MAX: variants seen among roughly 807,000 people sequenced by gnomAD.
MAX encodes the protein MYC associated transcriptional regulator X, also known as protein max.
A neutral mutation model predicts 22.3 loss-of-function variants in MAX; 3 were observed. That is an observed-to-expected ratio of 0.13 (90% CI 0.06 to 0.35). The LOEUF is 0.35. Among genes scored for constraint, MAX ranks in the 10% least tolerant of loss-of-function variants. MAX has a pLI of 1.00. For missense variants in MAX, 119 were observed against 209.4 expected, an observed-to-expected ratio of 0.57 and a Z score of 2.66; for synonymous variants, 72 against 77.7, an observed-to-expected ratio of 0.93 and a Z score of 0.39.
chr14:65,029,692 C>T lies in MAX; in HGVS notation c.172-23408G>A, dbSNP rs547361981. The stretch of plus-strand genomic sequence containing the variant: ...TGTGTTGCTCAAGAAAGGACAAGTT[C>T]AGTGTTGAAGTGTAGATGGCCTGGT... On this transcript the variant is annotated intron_variant, in intron 3 of 3. Coordinates refer to the MAX transcript ENST00000341653. This position sits in a 1 kb window ranked among gnomAD's most constrained non-coding sequence, Gnocchi z 4.7. 3.9e-5 allele frequency among the ~76,000 whole-genome samples: 6 copies of T among 152,234 alleles called. No homozygotes were observed. The highest frequency in any genetic ancestry group is 1.4e-4 in the African/African-American group (6 of 41,544).
rs1394034912 is a variant in MAX, at chr14:65,012,036, C to T, written c.172-5752G>A. On this transcript the variant is annotated intron_variant, in intron 3 of 3. Transcript: ENST00000341653. This position sits in a 1 kb window ranked among gnomAD's most constrained non-coding sequence, Gnocchi z 5.0. ...ATTGCCTGGCTGCGTGTGCTCATTG[C>T]GGCTTTTCCGTTAGCCCAAAGTCAC... The T allele has an allele frequency of 1.1e-5, 4 of 349,844 alleles. No individual in the cohort carries two copies. The highest frequency in any genetic ancestry group is 2.1e-5 in the African/African-American group (1 of 48,218). The allele number at this position is 349,844 out of a possible 1,614,324, so 21.7% of individuals were successfully genotyped here. A position where few individuals can be genotyped will look rare whatever the true frequency, so the allele number is the denominator to read the frequency against.
intron 3 of MAX, chr14:65,090,512 T>C (rs1358534791): frequency 3.3e-5 from 5 of 152,218 alleles, no homozygotes; most frequent in African/African-American, 1.2e-4. Flanking sequence ...AGGTAATTCT[T>C]ATTTTTTATT....
chr14:65,063,642 G>A (rs975127942), intron 3 of MAX, among the ~76,000 whole-genome samples: 1 of 152,150 alleles, frequency 6.6e-6, no homozygotes, highest in Non-Finnish European at 1.5e-5. Context: ...ATGGCTCACT[G>A]CAGCCTCGAC....
At chr14:65,099,670 A>G (rs530924509) in intron 2 of MAX, among the ~76,000 whole-genome samples, 2 of 152,040 alleles carry the variant, frequency 1.3e-5, no homozygotes, top group East Asian at 3.9e-4. Flanking sequence ...ATCAAGCCCT[A>G]GCACAGATTT....
chr14:65,070,301 G>A (rs546118112), downstream of MAX, among the ~76,000 whole-genome samples: 1 of 152,248 alleles, frequency 6.6e-6, no homozygotes, highest in South Asian at 2.1e-4. The surrounding 1 kb of genome is among the most constrained non-coding windows in gnomAD (Gnocchi z 4.4). Context: ...GGAGTAGAAG[G>A]TTTGGGCTCA....
At chr14:65,094,880 G>A (rs1175068153) in intron 2 of MAX, among the ~76,000 whole-genome samples, 1 of 152,218 alleles carries the variant, frequency 6.6e-6, no homozygotes, top group Non-Finnish European at 1.5e-5. Flanking sequence ...CACCTTGAAT[G>A]CACAACGTTG....
intron 3 of MAX, chr14:65,021,991 C>T: frequency 4.4e-6 from 2 of 456,026 alleles, no homozygotes; most frequent in South Asian, 3.1e-5. Context: ...GAACAGCAGC[C>T]ATCCAGAGAC....
chr14:65,016,973 G>A (rs1401094218), intron 3 of MAX, among the ~76,000 whole-genome samples: 1 of 149,990 alleles, frequency 6.7e-6, no homozygotes, highest in African/African-American at 2.5e-5. Context: ...CCCAGGCTGG[G>A]GTGCAGTGGC....
chr14:65,071,997 AC>A (rs1328814927), downstream of MAX, among the ~76,000 whole-genome samples: 1 of 152,094 alleles, frequency 6.6e-6, no homozygotes, highest in Non-Finnish European at 1.5e-5. This position sits in a 1 kb window ranked among gnomAD's most constrained non-coding sequence, Gnocchi z 4.2. Flanking sequence ...GCCCTAGTAA[AC>A]CCTAGACACT....
chr14:65,052,558 C>G (rs2062640163), intron 3 of MAX, among the ~76,000 whole-genome samples: 1 of 152,196 alleles, frequency 6.6e-6, no homozygotes, highest in Non-Finnish European at 1.5e-5. Context: ...GTGTGGCCCA[C>G]AGAATTCTTT....
intron 3 of MAX, among the ~76,000 whole-genome samples, chr14:65,051,582 A>T (rs774377912): frequency 2.0e-5 from 3 of 151,870 alleles, no homozygotes; most frequent in Non-Finnish European, 4.4e-5. Context: ...TTGCCCTCCA[A>T]CCTGGGCAAC....
rs1340319265 is a variant in MAX, at chr14:65,012,652, C to T, written c.172-6368G>A. ...TACTAGATGATGACTAAGGGGTTCACGTGCTTTATCTAGACCTCCTTGACA... is the reference window on the plus strand; with the variant it reads ...TACTAGATGATGACTAAGGGGTTCATGTGCTTTATCTAGACCTCCTTGACA... On this transcript the variant is annotated intron_variant, in intron 3 of 3. Transcript: ENST00000341653. The surrounding 1 kb of genome is among the most constrained non-coding windows in gnomAD (Gnocchi z 5.0). Among the ~76,000 whole-genome samples, 1 of 152,174 alleles carries T rather than the reference C, an allele frequency of 6.6e-6. No homozygotes were observed. The highest frequency in any genetic ancestry group is 6.5e-5 in the Admixed American group (1 of 15,272).
chr14:65,095,733 T>G (rs532189555), intron 2 of MAX, among the ~76,000 whole-genome samples: 38 of 152,320 alleles, frequency 2.5e-4, no homozygotes, highest in Non-Finnish European at 3.2e-4. Context: ...AAGATACTCC[T>G]GTCTACTAAA....
At chr14:65,059,204 G>A (rs1036011040) in intron 3 of MAX, among the ~76,000 whole-genome samples, 1 of 152,028 alleles carries the variant, frequency 6.6e-6, no homozygotes, top group Admixed American at 6.6e-5. Context: ...TAAATTTTTT[G>A]TAGAGACAGG....
At chr14:65,072,304 G>A (rs1040392030), downstream of MAX, among the ~76,000 whole-genome samples, 2 of 152,152 alleles carry the variant, frequency 1.3e-5, no homozygotes, top group African/African-American at 2.4e-5. Context: ...AGTGTAGGCA[G>A]CCCTCAGCTT....
intron 3 of MAX, chr14:65,061,049 A>T (rs2062856039): frequency 1.4e-6 from 2 of 1,435,242 alleles, no homozygotes; most frequent in East Asian, 4.6e-5. Context: ...CCATTTTTGA[A>T]CCTTTGGGCT....
At chr14:65,083,747 A>G (rs765935334) in intron 3 of MAX, 1 of 1,084,462 alleles carries the variant, frequency 9.2e-7, no homozygotes, top group African/African-American at 1.6e-5. Flanking sequence ...GCTGGACTCA[A>G]CAACTGACAT....
In MAX at chr14:65,027,394, T is replaced by G. The variant is rs771351397; in HGVS notation, c.172-21110A>C. ...GAAAGGCCTGGAATCTAGTGGGAAT[T>G]TGGTGTTTTGACATGAATGCTCTCT... On this transcript the variant is annotated intron_variant, in intron 3 of 3. Coordinates refer to the MAX transcript ENST00000341653. The surrounding 1 kb of genome is among the most constrained non-coding windows in gnomAD (Gnocchi z 5.7). The G allele has an allele frequency of 7.5e-5, 120 of 1,597,248 alleles. No homozygotes were observed. The highest frequency in any genetic ancestry group is 9.8e-5 in the Non-Finnish European group (115 of 1,170,766).
rs1251619523 is a variant in MAX, at chr14:65,077,152, C to T, written c.296-489G>A. The T allele has an allele frequency of 1.6e-6, 1 of 612,534 alleles. No homozygotes were observed. The highest frequency in any genetic ancestry group is 1.8e-5 in the African/African-American group (1 of 54,220). 37.9% of individuals were successfully genotyped at this position (612,534 alleles called of 1,614,324 possible). On this transcript the variant is annotated intron_variant, in intron 4 of 4. Transcript: ENST00000358664. This position sits in a 1 kb window ranked among gnomAD's most constrained non-coding sequence, Gnocchi z 6.3. ...ACAAGCTGGACACTTGGAAGCAAGT[C>T]ACCAATACACATAAAATACCTGGGC...
Sources: gnomAD v4.1 joint callset for allele counts (sites outside exome capture counted in the v4.1 genomes callset) on GRCh38, gnomAD v4.1.1 for gene constraint, Gnocchi (gnomAD v3.1) non-coding constraint, MANE v1.5 for transcripts, NCBI Gene and HGNC (gene_info 2026-07-23, HGNC 2026-07-21) for gene names.